The following FBN3 variants were observed in gnomAD, a reference collection of about 807,000 sequenced individuals.
The protein encoded by FBN3 is fibrillin-3.
A neutral mutation model predicts 330.1 loss-of-function variants in FBN3; 234 were observed. The ratio of observed to expected loss-of-function variants is 0.71; its 90% CI spans 0.64 to 0.79. The LOEUF is 0.79. Ranked by LOEUF, FBN3 falls within the 30% of genes least tolerant of loss-of-function variation. The pLI, the probability that FBN3 is intolerant of heterozygous loss-of-function variation, is 0.00. For synonymous variants in FBN3, 1,458 were observed against 1,517.3 expected (o/e 0.96, Z 0.91); for missense variants, 3,606 against 3,886.9 (o/e 0.93, Z 1.92).
intron 1 of FBN3, 96 bp from the exon 2 acceptor site, chr19:8,147,593 G>A: frequency 9.0e-7 from 1 of 1,105,126 alleles, no homozygotes; most frequent in South Asian, 2.2e-5. Flanking sequence ...TGCCAAATGG[G>A]GCAGCCCCGG....
chr19:8,066,487 T>A (rs2081393422), intron 63 of FBN3, among the ~76,000 whole-genome samples: 1 of 152,110 alleles, frequency 6.6e-6, no homozygotes, highest in Non-Finnish European at 1.5e-5. Flanking sequence ...ATACGGCATG[T>A]TCTCAGTTAT....
rs748857376 is a variant in FBN3 at position 8,115,497 on chromosome 19, C to T, written c.3838+18G>A. ...CCCGGGGAGTCCCCTCTGCCTGCAC[C>T]GCTGACCGCCGGCTCACCAGAGCAG... On this transcript the variant is annotated intron_variant, in intron 30 of 63. Transcript: ENST00000600128. The T allele has an allele frequency of 5.0e-6, 8 of 1,612,520 alleles. No individual in the cohort carries two copies. In the Middle Eastern group the frequency reaches 5.0e-4, roughly 100 times the overall value.
chr19:8,082,445 T>A (rs1335536833), intron 57 of FBN3, among the ~76,000 whole-genome samples: 2 of 139,082 alleles, frequency 1.4e-5, no homozygotes, highest in Non-Finnish European at 3.2e-5. Context: ...TCTCTCTTCC[T>A]TCCTTCCCTT....
At chr19:8,104,430 C>A (rs568043095) in intron 38 of FBN3, among the ~76,000 whole-genome samples, 1 of 151,578 alleles carries the variant, frequency 6.6e-6, no homozygotes, top group South Asian at 2.1e-4. Flanking sequence ...GTGATTACAC[C>A]ACTGCACTCC....
chr19:8,075,057 C>A lies in FBN3; in HGVS notation c.7702+14G>T, dbSNP rs993427755. ...GGTGGAGGGCCCAGCTTCTTCCCAG[C>A]CCTTTTCACTCACCCACACACTGGG... On this transcript the variant is annotated intron_variant, in intron 61 of 63. Transcript: ENST00000600128. 6.2e-7 allele frequency: 1 copy of A among 1,602,386 alleles called. No individual in the cohort carries two copies. Among genetic ancestry groups the A allele is most frequent in the Non-Finnish European group, 8.5e-7 (1 of 1,174,596 alleles).
intron 6 of FBN3, among the ~76,000 whole-genome samples, chr19:8,144,138 C>T (rs1052152984): frequency 4.0e-5 from 6 of 151,830 alleles, no homozygotes; most frequent in Non-Finnish European, 7.4e-5. Flanking sequence ...GTTAGGGTGA[C>T]TGGGTGTGGT....
Position 8,126,743 on chromosome 19 carries a change from G to A in FBN3, c.2386C>T (p.Arg796Trp), listed in dbSNP as rs113517176. 3.2e-5 allele frequency: 51 copies of A among 1,589,088 alleles called. No homozygotes were observed. The highest frequency in any genetic ancestry group is 1.5e-4 in the Admixed American group (8 of 55,170). The change falls in exon 19 of 64, where the codon CGG (arginine) becomes TGG (tryptophan). Residue 796 changes from arginine (R) to tryptophan (W), a missense_variant. Coordinates refer to ENST00000600128, the MANE Select transcript of FBN3 (RefSeq NM_032447.5). ...SYTCKCGPGS[R>W]LDPSGTFCLD... Reference sequence around the variant, plus strand: ...CAGAAGGTACCAGAGGGGTCCAGCCGGCTGCCAGGGCCACATTTGCAGGTG... The same window carrying A: ...CAGAAGGTACCAGAGGGGTCCAGCCAGCTGCCAGGGCCACATTTGCAGGTG...
intron 32 of FBN3, 50 bp downstream of exon 32, chr19:8,111,598 C>T: frequency 1.4e-6 from 2 of 1,401,212 alleles, no homozygotes; most frequent in Non-Finnish European, 2.0e-6. Flanking sequence ...GAATTCAGCC[C>T]CCGTGGCTGT....
intron 27 of FBN3, 64 bp downstream of exon 27, chr19:8,117,400 G>T: frequency 1.3e-6 from 2 of 1,549,602 alleles, no homozygotes; most frequent in Non-Finnish European, 1.7e-6. Flanking sequence ...AGGACAGGAG[G>T]AGCTACCACT....
Position 8,117,311 on chromosome 19 carries a change from CAG to C in FBN3, c.3464-22_3464-21del. On this transcript the variant is annotated intron_variant, in intron 27 of 63. Transcript: ENST00000600128. ...TGATGTCTGCAGGATGCAGGGCAGA[CAG>C]GGGCTGGGGCTGGGGGGAGGGGTCC... 6.3e-7 allele frequency: 1 copy of C among 1,590,684 alleles called. No homozygotes were observed. The highest frequency in any genetic ancestry group is 8.6e-7 in the Non-Finnish European group (1 of 1,166,158).
Position 8,096,748 on chromosome 19 carries a change from A to C in FBN3, c.5413+133T>G, listed in dbSNP as rs2082217725. 7.8e-7 allele frequency: 1 copy of C among 1,277,936 alleles called. No homozygotes were observed. Among genetic ancestry groups the C allele is most frequent in the Non-Finnish European group, 1.1e-6 (1 of 920,364 alleles). The allele number at this position is 1,277,936 out of a possible 1,614,324, so 79.2% of individuals were successfully genotyped here. ...CACCTCTATCACATCCTATTAACAG[A>C]CACTCTCAATACATCCCCCACCCCC... On this transcript the variant is annotated intron_variant, in intron 43 of 63. Coordinates refer to ENST00000600128, the MANE Select transcript of FBN3 (RefSeq NM_032447.5). This position sits in a 1 kb window ranked among gnomAD's most constrained non-coding sequence, Gnocchi z 4.6.
intron 32 of FBN3, 25 bp downstream of exon 32, chr19:8,111,619 CCCCT>C: frequency 1.4e-6 from 2 of 1,419,074 alleles, no homozygotes; most frequent in Non-Finnish European, 2.0e-6. Flanking sequence ...CCCTCTAGGG[CCCCT>C]GCCCTCCCAC....
intron 6 of FBN3, among the ~76,000 whole-genome samples, chr19:8,143,785 G>A (rs1428931312): frequency 1.9e-5 from 2 of 103,856 alleles, no homozygotes; most frequent in Non-Finnish European, 3.8e-5. Context: ...GAGCCACAGT[G>A]CCTGGCCTCT....
rs199802251 is a variant in FBN3 at position 8,126,530 on chromosome 19, C to T, written c.2492G>A (p.Arg831Gln). The T allele has an allele frequency of 4.8e-5, 78 of 1,613,124 alleles. No individual in the cohort carries two copies. In the East Asian group the frequency reaches 1.1e-3, roughly 22 times the overall value. Residue 831 changes from arginine to glutamine, a missense_variant, in exon 20 of 64, where the codon CGG becomes CAG. Arg to Gln is a conservative substitution (Grantham distance 43). Coordinates refer to ENST00000600128, the MANE Select transcript of FBN3 (RefSeq NM_032447.5). ...CEVNLQGASL[R>Q]SECCATLGAA... is the part of the protein sequence containing the mutation. ...CCCGAGGGTGGCGCAGCACTCAGACCGCAGGCTGGCTCCCTGAAGGTTCAC... is the reference window on the plus strand; with the variant it reads ...CCCGAGGGTGGCGCAGCACTCAGACTGCAGGCTGGCTCCCTGAAGGTTCAC...
In FBN3 at chr19:8,113,088, C is replaced by T. The variant is rs373784632; in HGVS notation, c.3839-989G>A. On this transcript the variant is annotated intron_variant, in intron 30 of 63. Transcript: ENST00000600128. ...TGTAACTAAGTTAAGATGAGGTCAT[C>T]CCGGATTAGTGTAGGCTCCCATCCA... Among the ~76,000 whole-genome samples the T allele has an allele frequency of 2.0e-5, 3 of 152,116 alleles. No individual in the cohort carries two copies. The East Asian group carries it at 5.8e-4, about 29-fold the overall frequency.
At chr19:8,135,935 T>TTGGGGGGGGGGGGGGGGCC in intron 13 of FBN3, 26 bp downstream of exon 13, 16 of 1,344,156 alleles carry the variant, frequency 1.2e-5, no homozygotes, top group African/African-American at 1.5e-5. Flanking sequence ...CGGAAGCCCC[T>TTGGGGGGGGGGGGGGGGCC]GCCCACCCGC....
In FBN3 at chr19:8,083,328, C is replaced by G. The variant is rs762458838; in HGVS notation, c.7132G>C (p.Glu2378Gln). The G allele has an allele frequency of 2.5e-6, 4 of 1,613,978 alleles. No homozygotes were observed. The African/African-American group carries it at 4.0e-5, about 16-fold the overall frequency. ...AAGGAGCCAAGGCTGTTGATGCACT[C>G]CCCATGAGCACACAGGTGAGCAAGC... ...RMLAHLCAHGECINSLGSFRC... is the reference protein window; with the variant it reads ...RMLAHLCAHGQCINSLGSFRC... The change falls in exon 57 of 64, where the codon GAG (glutamate) becomes CAG (glutamine). Residue 2378 changes from glutamate to glutamine, a missense_variant. Physicochemically the swap from Glu to Gln is conservative, Grantham distance 29. Transcript: ENST00000600128.
intron 16 of FBN3, among the ~76,000 whole-genome samples, chr19:8,130,340 TA>T (rs137977549): frequency 0.18 from 24,661 of 133,330 alleles, 2,336 homozygotes; most frequent in East Asian, 0.33. Flanking sequence ...TCATCTCTAC[TA>T]AAAAAAAAAA....
chr19:8,145,959 C>G, intron 4 of FBN3, 21 bp from the exon 5 acceptor site: 2 of 1,546,344 alleles, frequency 1.3e-6, no homozygotes, highest in Non-Finnish European at 1.8e-6. Context: ...GAAGGCAGGA[C>G]GCATAGTAAT....
Sources: gnomAD v4.1 joint callset for allele counts (sites outside exome capture counted in the v4.1 genomes callset) on GRCh38, gnomAD v4.1.1 for gene constraint, Gnocchi (gnomAD v3.1) non-coding constraint, MANE v1.5 for transcripts, NCBI Gene and HGNC (gene_info 2026-07-23, HGNC 2026-07-21) for gene names.